The following CDK12 variants were observed in gnomAD, a reference collection of about 807,000 sequenced individuals.
CDK12 encodes cyclin-dependent kinase 12.
CDK12 carries 17 observed loss-of-function variants against 133.8 expected under a neutral mutation model. The ratio of observed to expected loss-of-function variants is 0.13; its 90% CI spans 0.09 to 0.19. CDK12 has a LOEUF of 0.19. Ranked by LOEUF, CDK12 falls within the 10% of genes least tolerant of loss-of-function variation. The pLI is 1.00. For synonymous variants in CDK12, 694 were observed against 683.6 expected, an observed-to-expected ratio of 1.02 and a Z score of -0.24; for missense variants, 1,508 against 1,818.7, an observed-to-expected ratio of 0.83 and a Z score of 3.11.
chr17:39,484,018 AT>A lies in CDK12; in HGVS notation c.1932-6534del, dbSNP rs1306880997. Among the ~76,000 whole-genome samples, 5 of 151,874 alleles carry A rather than the reference AT, an allele frequency of 3.3e-5. No homozygotes were observed. In the East Asian group the frequency reaches 9.7e-4, roughly 29 times the overall value. On this transcript the variant is annotated intron_variant, in intron 2 of 13. Transcript: ENST00000447079. Reference sequence around the variant, plus strand: ...CTACCACACTTGGCTAAGTTTTTGTATTTTTAGAAGAGACAGGGTTTCACCA... The same window carrying A: ...CTACCACACTTGGCTAAGTTTTTGTATTTTAGAAGAGACAGGGTTTCACCA...
downstream of CDK12, among the ~76,000 whole-genome samples, chr17:39,539,511 A>G (rs1438173168): frequency 6.6e-6 from 1 of 152,174 alleles, no homozygotes; most frequent in Non-Finnish European, 1.5e-5. Flanking sequence ...TAATATCCCA[A>G]TAGTTATACC....
chr17:39,519,273 T>A (rs901011904), intron 10 of CDK12, among the ~76,000 whole-genome samples: 1 of 151,506 alleles, frequency 6.6e-6, no homozygotes, highest in Non-Finnish European at 1.5e-5. Flanking sequence ...CTTGCTTTCT[T>A]TGGTTTTACA....
At chr17:39,487,446 AAT>A (rs1209266417) in intron 2 of CDK12, among the ~76,000 whole-genome samples, 1 of 152,148 alleles carries the variant, frequency 6.6e-6, no homozygotes, top group Non-Finnish European at 1.5e-5. Flanking sequence ...CTGTCATAAA[AAT>A]AGAGAAGATT....
chr17:39,471,118 G>A lies in CDK12; in HGVS notation c.1286G>A (p.Arg429Lys). The A allele has an allele frequency of 6.2e-7, 1 of 1,607,768 alleles. No individual in the cohort carries two copies. The highest frequency in any genetic ancestry group is 8.5e-7 in the Non-Finnish European group (1 of 1,178,236). ...AAGGGTTCACCTGTATTTTTGCCTA[G>A]AAAAGAGAACAGTTCAGTAGAGGCT... ...ESKGSPVFLPRKENSSVEAKD... is the reference protein window; with the variant it reads ...ESKGSPVFLPKKENSSVEAKD... The change falls in exon 2 of 14, where the codon AGA becomes AAA. Residue 429 changes from arginine to lysine, a missense_variant. Physicochemically the swap from Arg to Lys is conservative, Grantham distance 26. This residue lies in a region of CDK12 where 347 missense variants were observed against 330.8 expected (regional missense o/e 1.05). Transcript: ENST00000447079.
chr17:39,509,017 C>A lies in CDK12; in HGVS notation c.2610-688C>A, dbSNP rs1275174980. Among the ~76,000 whole-genome samples, 7 of 88,926 alleles carry A rather than the reference C, an allele frequency of 7.9e-5. No individual in the cohort carries two copies. In the East Asian group the frequency reaches 1.0e-3, roughly 13 times the overall value. 58.3% of individuals were successfully genotyped at this position (88,926 alleles called of 152,430 possible). A position where few individuals can be genotyped will look rare whatever the true frequency, so the allele number is the denominator to read the frequency against. On this transcript the variant is annotated intron_variant, in intron 6 of 13. Transcript: ENST00000447079. ...TGTCTCAAAAAAAAAAAAAAAAAAT[C>A]AGCAGAGTGAAACATGGTTGGGATC...
At chr17:39,474,238 A>G (rs1157744002) in intron 2 of CDK12, among the ~76,000 whole-genome samples, 1 of 152,188 alleles carries the variant, frequency 6.6e-6, no homozygotes, top group East Asian at 1.9e-4. Flanking sequence ...TTTTCATTGT[A>G]AGCACAAAAT....
intron 3 of CDK12, among the ~76,000 whole-genome samples, chr17:39,492,098 T>C (rs1466931601): frequency 5.4e-5 from 8 of 149,196 alleles, no homozygotes. Context: ...CATTTTCTTT[T>C]CTTTTTTTTT....
chr17:39,538,014 C>CT (rs976899000), downstream of CDK12, among the ~76,000 whole-genome samples: 1 of 152,120 alleles, frequency 6.6e-6, no homozygotes, highest in Non-Finnish European at 1.5e-5. Context: ...AAGAATTCCC[C>CT]TTAATTACAG....
rs535336060 is a variant in CDK12, at chr17:39,534,014, C to T, written c.*2698C>T. ...AATGAGAGATATTGTCTATTAAATA[C>T]ATTATTTTGAACAGATGAGAAATCT... On this transcript the variant is annotated 3_prime_UTR_variant, in exon 14 of 14. Transcript: ENST00000447079. The T allele has an allele frequency of 4.3e-4, 100 of 231,760 alleles. No homozygotes were observed. The South Asian group carries it at 0.016, about 37-fold the overall frequency. The allele number at this position is 231,760 out of a possible 1,614,324, so 14.4% of individuals were successfully genotyped here. A position where few individuals can be genotyped will look rare whatever the true frequency, so the allele number is the denominator to read the frequency against.
chr17:39,465,495 GT>G (rs200226050), intron 1 of CDK12, among the ~76,000 whole-genome samples: 10 of 145,924 alleles, frequency 6.9e-5, no homozygotes, highest in Non-Finnish European at 1.1e-4. Flanking sequence ...TTTGTTTTTT[GT>G]TTTTTTTTGA....
chr17:39,472,118 G>T (rs1239675007), intron 2 of CDK12, among the ~76,000 whole-genome samples: 3 of 151,820 alleles, frequency 2.0e-5, no homozygotes, highest in African/African-American at 7.3e-5. Context: ...CCAGCAGCTG[G>T]GACTACAGGC....
At chr17:39,509,271 C>T (rs1467449291) in intron 6 of CDK12, among the ~76,000 whole-genome samples, 4 of 152,100 alleles carry the variant, frequency 2.6e-5, no homozygotes, top group African/African-American at 9.7e-5. Flanking sequence ...CAGGTGTGAG[C>T]CACCATGCCC....
chr17:39,548,498 T>G (rs2055819394), upstream of CDK12, among the ~76,000 whole-genome samples: 1 of 152,182 alleles, frequency 6.6e-6, no homozygotes, highest in Non-Finnish European at 1.5e-5. Context: ...AAAAAATCTC[T>G]TATAATTGTT....
Position 39,524,688 on chromosome 17 carries a change from A to G in CDK12, c.3110A>G (p.Gln1037Arg), listed in dbSNP as rs2054387050. Reference protein sequence around the residue: ...KMAPPDLPHWQDCHELWSKKR... With the variant: ...KMAPPDLPHWRDCHELWSKKR... ...TCTTTTTCCAGCCTCCCCCACTGGC[A>G]GGATTGCCATGAGTTGTGGAGTAAG... is the stretch of plus-strand genomic sequence containing the variant. Residue 1037 changes from glutamine (Q) to arginine (R), a missense_variant, in exon 12 of 14, where the codon CAG (glutamine) becomes CGG (arginine). Physicochemically the swap from Gln to Arg is conservative, Grantham distance 43 (BLOSUM62 1). This residue lies in a region of CDK12 where 399 missense variants were observed against 469.6 expected (regional missense o/e 0.85). Coordinates refer to ENST00000447079, the MANE Select transcript of CDK12 (RefSeq NM_016507.4). 6.2e-7 allele frequency: 1 copy of G among 1,613,956 alleles called. No individual in the cohort carries two copies. The highest frequency in any genetic ancestry group is 1.1e-5 in the South Asian group (1 of 91,086).
intron 3 of CDK12, among the ~76,000 whole-genome samples, chr17:39,560,134 G>A (rs2056323751): frequency 6.6e-6 from 1 of 152,172 alleles, no homozygotes; most frequent in African/African-American, 2.4e-5. Flanking sequence ...TGAGATCTGA[G>A]TTTTTATGTG....
rs1231672720 is a variant in CDK12 at position 39,484,898 on chromosome 17, C to G, written c.1932-5659C>G. 2.6e-5 allele frequency among the ~76,000 whole-genome samples: 4 copies of G among 152,180 alleles called. 1 individual carries two copies. In the South Asian group the frequency reaches 8.3e-4, roughly 32 times the overall value. ...AAATTTGAAACACTCAGGCCGGGTG[C>G]GGTGGCTCACGCCTGTAATCCCAGA... On this transcript the variant is annotated intron_variant, in intron 2 of 13. Transcript: ENST00000447079.
Position 39,526,163 on chromosome 17 carries a change from C to T in CDK12, c.3607C>T (p.Pro1203Ser), listed in dbSNP as rs777844841. ...GACGACCCTTGAAGCTTCAAGCACA[C>T]CAGCTGACATGCAGAATATATTGGC... Reference protein sequence around the residue: ...EQTTLEASSTPADMQNILAVL... With the variant: ...EQTTLEASSTSADMQNILAVL... Residue 1203 changes from proline (P) to serine (S), a missense_variant, in exon 13 of 14, where the codon CCA becomes TCA. Around this residue, in one of 9 missense-constraint regions of CDK12, gnomAD observed 399 missense variants for 469.6 expected, o/e 0.85. Coordinates refer to ENST00000447079, the MANE Select transcript of CDK12 (RefSeq NM_016507.4). 23 of 1,614,092 alleles carry T rather than the reference C, an allele frequency of 1.4e-5. No individual in the cohort carries two copies. Among genetic ancestry groups the T allele is most frequent in the Non-Finnish European group, 1.9e-5 (22 of 1,180,048 alleles).
At chr17:39,463,237 T>A in intron 1 of CDK12, 120 bp downstream of exon 1, 1 of 852,082 alleles carries the variant, frequency 1.2e-6, no homozygotes. Flanking sequence ...CACTTTGCTG[T>A]TGGCTAGTCA....
Sources: allele counts gnomAD v4.1 joint callset (sites outside exome capture counted in the v4.1 genomes callset), GRCh38; gene constraint gnomAD v4.1.1; regional missense constraint gnomAD v4.1.1; transcripts MANE v1.5; gene names NCBI Gene and HGNC (gene_info 2026-07-23, HGNC 2026-07-21).